DENND5A: variants seen among roughly 807,000 people sequenced by gnomAD.
DENND5A encodes the protein DENN domain containing 5A.
A neutral mutation model predicts 140.3 loss-of-function variants in DENND5A; 64 were observed. The observed-to-expected ratio is 0.46, with a 90% CI of 0.37 to 0.56. DENND5A has a LOEUF of 0.56. Ranked by LOEUF, DENND5A falls within the 20% of genes least tolerant of loss-of-function variation. The pLI, the probability that DENND5A is intolerant of heterozygous loss-of-function variation, is 0.00. For synonymous variants in DENND5A, 605 were observed against 607.7 expected, an observed-to-expected ratio of 1.00 and a Z score of 0.07; for missense variants, 1,292 against 1,593.8, an observed-to-expected ratio of 0.81 and a Z score of 3.22.
In DENND5A at chr11:9,253,669, G is replaced by T. The variant is rs138345826; in HGVS notation, c.109+11292C>A. 9.2e-5 allele frequency among the ~76,000 whole-genome samples: 14 copies of T among 152,210 alleles called. No individual in the cohort carries two copies. The East Asian group carries it at 2.5e-3, about 27-fold the overall frequency. ...AATAATCCCAGCATTTTGGGAGGCC[G>T]AGGTGGGCAGATCACTTGAGCCCAG... is the stretch of plus-strand genomic sequence containing the variant. On this transcript the variant is annotated intron_variant, in intron 1 of 22. Coordinates refer to ENST00000328194, the MANE Select transcript of DENND5A (RefSeq NM_015213.4).
intron 5 of DENND5A, among the ~76,000 whole-genome samples, chr11:9,181,567 T>C (rs1848733094): frequency 6.6e-6 from 1 of 151,646 alleles, no homozygotes; most frequent in Admixed American, 6.6e-5. Context: ...AGAAACCCAG[T>C]CTCTACAAAA....
chr11:9,247,759 A>T (rs1851541483), intron 1 of DENND5A, among the ~76,000 whole-genome samples: 1 of 152,118 alleles, frequency 6.6e-6, no homozygotes, highest in Non-Finnish European at 1.5e-5. Context: ...TTCAGACCTT[A>T]AAAGGTATCC....
intron 5 of DENND5A, among the ~76,000 whole-genome samples, chr11:9,186,455 T>TAATTCTG (rs1848916459): frequency 6.6e-6 from 1 of 152,162 alleles, no homozygotes; most frequent in Non-Finnish European, 1.5e-5. Context: ...ATGCAATCAT[T>TAATTCTG]TACCTCCTCA....
At chr11:9,195,066 A>T (rs1339242383) in intron 4 of DENND5A, among the ~76,000 whole-genome samples, 2 of 144,934 alleles carry the variant, frequency 1.4e-5, no homozygotes, top group Non-Finnish European at 1.5e-5. Flanking sequence ...GGTACAGCCA[A>T]TAAAATTGAC....
intron 22 of DENND5A, 83 bp downstream of exon 22, chr11:9,141,857 T>G (rs1175251100): frequency 1.7e-5 from 23 of 1,329,764 alleles, no homozygotes; most frequent in Non-Finnish European, 2.2e-5. Context: ...GATGAGCCAT[T>G]CCTCACCCCT....
At chr11:9,142,661 C>T (rs1234395553) in intron 21 of DENND5A, 61 bp downstream of exon 21, 1 of 1,602,984 alleles carries the variant, frequency 6.2e-7, no homozygotes, top group African/African-American at 1.3e-5. Context: ...CCATGCTATG[C>T]TGGTGAGTCC....
At chr11:9,167,158 C>T (rs1336484990) in intron 10 of DENND5A, among the ~76,000 whole-genome samples, 3 of 152,016 alleles carry the variant, frequency 2.0e-5, no homozygotes, top group African/African-American at 7.3e-5. Context: ...AATCTGATAT[C>T]CTCTCAGTAG....
At position 9,207,632 on chromosome 11, in the gene DENND5A, G is replaced by T; in HGVS notation, c.110C>A (p.Ala37Glu). 6.2e-7 allele frequency: 1 copy of T among 1,603,586 alleles called. No homozygotes were observed. The highest frequency in any genetic ancestry group is 1.1e-5 in the South Asian group (1 of 90,810). The change falls in exon 2 of 23, where the codon GCA (alanine) becomes GAA (glutamate). Residue 37 changes from alanine to glutamate, a missense_variant and splice_region_variant. Coordinates refer to ENST00000328194, the MANE Select transcript of DENND5A (RefSeq NM_015213.4). ...AGAAGCCTGTATGTACTGGCATAAT[G>T]CTATATGATAAATGAAATAACAGAG... ...ETGLEPDELSALCQYIQASKA... is the reference protein window; with the variant it reads ...ETGLEPDELSELCQYIQASKA...
chr11:9,152,166 A>G (rs1847638631), intron 13 of DENND5A, among the ~76,000 whole-genome samples, 192 bp downstream of exon 13: 1 of 152,250 alleles, frequency 6.6e-6, no homozygotes, highest in Non-Finnish European at 1.5e-5. Context: ...ATAGAAATAC[A>G]TAATGAAAGC....
At chr11:9,222,159 T>C (rs1185177262) in intron 1 of DENND5A, among the ~76,000 whole-genome samples, 1 of 152,248 alleles carries the variant, frequency 6.6e-6, no homozygotes, top group Non-Finnish European at 1.5e-5. Context: ...TGAACTGCCA[T>C]GTATCTATCA....
rs1389909615 is a variant in DENND5A at position 9,140,133 on chromosome 11, C to T, written c.3681-279G>A. 9.0e-6 allele frequency: 13 copies of T among 1,437,510 alleles called. No homozygotes were observed. In the South Asian group the frequency reaches 1.2e-4, roughly 13 times the overall value. The allele number at this position is 1,437,510 out of a possible 1,614,324, so 89.0% of individuals were successfully genotyped here. On this transcript the variant is annotated intron_variant, in intron 22 of 22. Transcript: ENST00000328194. ...TAGTCAGCCCCACCACTGGTGTCTC[C>T]CAGAGCTTCTCTCCTCCCACAGCTA...
Position 9,193,654 on chromosome 11 carries a change from T to G in DENND5A, c.977A>C (p.Glu326Ala). 1 of 1,613,292 alleles carries G rather than the reference T, an allele frequency of 6.2e-7. No homozygotes were observed. The highest frequency in any genetic ancestry group is 8.5e-7 in the Non-Finnish European group (1 of 1,179,666). The change falls in exon 5 of 23, where the codon GAG (glutamate) becomes GCG (alanine). Residue 326 changes from glutamate to alanine, a missense_variant. Transcript: ENST00000328194. ...AGGAAACATGAGAGCTGTAATCGTCTCCGCCACAGTCATCAGTCTCTGGTA... is the reference window on the plus strand; with the variant it reads ...AGGAAACATGAGAGCTGTAATCGTCGCCGCCACAGTCATCAGTCTCTGGTA... ...QHYQRLMTVA[E>A]TITALMFPFQ... is the part of the protein sequence containing the mutation.
At chr11:9,257,636 C>T (rs768152919) in intron 1 of DENND5A, among the ~76,000 whole-genome samples, 9 of 151,212 alleles carry the variant, frequency 6.0e-5, no homozygotes, top group Non-Finnish European at 1.2e-4. Flanking sequence ...TGCCCGCCAT[C>T]GCACCCGGCT....
chr11:9,205,728 A>G (rs1048408399), intron 3 of DENND5A, among the ~76,000 whole-genome samples: 4 of 152,152 alleles, frequency 2.6e-5, no homozygotes, highest in Non-Finnish European at 5.9e-5. Flanking sequence ...CACTGCTTCT[A>G]TAAAAAAAAA....
intron 8 of DENND5A, among the ~76,000 whole-genome samples, chr11:9,175,877 T>C (rs763727522): frequency 3.3e-5 from 5 of 152,278 alleles, no homozygotes; most frequent in African/African-American, 4.8e-5. Flanking sequence ...CAGGGAAATA[T>C]AGGGTAAAAT....
intron 1 of DENND5A, among the ~76,000 whole-genome samples, chr11:9,231,615 T>A (rs1297794103): frequency 6.8e-6 from 1 of 147,948 alleles, no homozygotes; most frequent in East Asian, 2.0e-4. Flanking sequence ...CTCAGGAGAC[T>A]GAGGCAAGAG....
Position 9,264,963 on chromosome 11 carries a change from G to C in DENND5A, c.107C>G (p.Ser36Trp), listed in dbSNP as rs1225313687. The C allele has an allele frequency of 1.9e-6, 3 of 1,579,242 alleles. No homozygotes were observed. Among genetic ancestry groups the C allele is most frequent in the Admixed American group, 1.8e-5 (1 of 57,006 alleles). Residue 36 changes from serine to tryptophan, a missense_variant and splice_region_variant, in exon 1 of 23, where the codon TCG becomes TGG. This residue lies in a region of DENND5A where 566 missense variants were observed against 650.4 expected (regional missense o/e 0.87). Transcript: ENST00000328194. ...CCCCGGGCTCGGCGCGCACTCACCCGACAGCTCGTCCGGCTCCAGCCCGGT... is the reference window on the plus strand; with the variant it reads ...CCCCGGGCTCGGCGCGCACTCACCCCACAGCTCGTCCGGCTCCAGCCCGGT... Reference protein sequence around the residue: ...TETGLEPDELSALCQYIQASK... With the variant: ...TETGLEPDELWALCQYIQASK...
Position 9,180,917 on chromosome 11 carries a change from C to A in DENND5A, c.1305G>T (p.Leu435=), listed in dbSNP as rs370033044. 1.5e-5 allele frequency: 25 copies of A among 1,614,102 alleles called. No homozygotes were observed. In the Admixed American group the frequency reaches 1.8e-4, roughly 12 times the overall value. Residue 435 remains leucine (L), a synonymous_variant, in exon 6 of 23, where the codon CTG becomes CTT. Coordinates refer to ENST00000328194, the MANE Select transcript of DENND5A (RefSeq NM_015213.4). ...CAAGCTCAGAGGCCCGCAGCCTCTT[C>A]AGCTTGGAGGCACTCTCACTGCAAT... ...NLHCSESASK[L]KRLRASELVS...
intron 5 of DENND5A, among the ~76,000 whole-genome samples, chr11:9,189,613 GTTTGGTTTTTTTTT>G (rs1202919850): frequency 1.4e-5 from 2 of 141,264 alleles, no homozygotes; most frequent in African/African-American, 5.1e-5. Context: ...TGTTGCTGTT[GTTTGGTTTTTTTTT>G]TTTGGTTTTT....
Sources: allele counts gnomAD v4.1 joint callset (sites outside exome capture counted in the v4.1 genomes callset), GRCh38; gene constraint gnomAD v4.1.1; regional missense constraint gnomAD v4.1.1; transcripts MANE v1.5; gene names NCBI Gene and HGNC (gene_info 2026-07-23, HGNC 2026-07-21).